The following HHIPL1 variants were observed in gnomAD, a reference collection of about 807,000 sequenced individuals.
HHIPL1 encodes HHIP-like protein 1.
A neutral mutation model predicts 61.8 loss-of-function variants in HHIPL1; 43 were observed. The ratio of observed to expected loss-of-function variants is 0.70; its 90% CI spans 0.55 to 0.90. HHIPL1 has a LOEUF of 0.90. HHIPL1 is among the 40% of genes least tolerant of loss of function. HHIPL1 has a pLI of 0.00. For missense variants in HHIPL1, 1,056 were observed against 1,157.7 expected, an observed-to-expected ratio of 0.91 and a Z score of 1.28; for synonymous variants, 482 against 515.8, an observed-to-expected ratio of 0.93 and a Z score of 0.89.
At chr14:99,630,205 G>A in the HHIPL1 span, among the ~76,000 whole-genome samples, 1 of 152,206 alleles carries the variant, frequency 6.6e-6, no homozygotes, top group African/African-American at 2.4e-5. Context: ...TCTCAGCATT[G>A]GGCAGGGCAC....
At chr14:99,650,859 AG>A (rs1210097278) in intron 1 of HHIPL1, among the ~76,000 whole-genome samples, 1 of 152,262 alleles carries the variant, frequency 6.6e-6, no homozygotes, top group African/African-American at 2.4e-5. Context: ...AGAGAAGAGC[AG>A]GGAAAGGGCA....
At chr14:99,659,400 G>C (rs578008994) in intron 3 of HHIPL1, 28 bp from the exon 4 acceptor site, 3 of 1,399,732 alleles carry the variant, frequency 2.1e-6, no homozygotes, top group Non-Finnish European at 2.8e-6. Context: ...GCGACCCCGA[G>C]CCGCGCCCTC....
chr14:99,674,999 C>T, intron 8 of HHIPL1, 92 bp from the exon 9 acceptor site: 1 of 664,308 alleles, frequency 1.5e-6, no homozygotes, highest in Non-Finnish European at 1.9e-6. Context: ...AGTCTGCGCT[C>T]TCCGCACAGG....
chr14:99,674,279 G>A (rs1024861788), intron 8 of HHIPL1, among the ~76,000 whole-genome samples: 1 of 152,048 alleles, frequency 6.6e-6, no homozygotes. Context: ...CACTGCACCT[G>A]TGTGGAGTAG....
chr14:99,660,142 TGGGCACGCCAGCCCTGCTGTG>T lies in HHIPL1; in HGVS notation c.1376-135_1376-115del. On this transcript the variant is annotated intron_variant, in intron 4 of 8. Transcript: ENST00000330710. This position sits in a 1 kb window ranked among gnomAD's most constrained non-coding sequence, Gnocchi z 4.9. ...GCTTTCCACCACGCCAGCCCTGCTG[TGGGCACGCCAGCCCTGCTGTG>T]GGCACGCCCCTCCCTCCGTGGCCGC... 3 of 700,668 alleles carry T rather than the reference TGGGCACGCCAGCCCTGCTGTG, an allele frequency of 4.3e-6. No individual in the cohort carries two copies. Among genetic ancestry groups the T allele is most frequent in the Non-Finnish European group, 4.1e-6 (2 of 487,084 alleles). 43.4% of individuals were successfully genotyped at this position (700,668 alleles called of 1,614,324 possible).
intron 7 of HHIPL1, chr14:99,669,141 C>T (rs2140091636): frequency 7.3e-6 from 10 of 1,374,426 alleles, no homozygotes; most frequent in Non-Finnish European, 9.4e-6. Context: ...ACACGACTGA[C>T]TCTCTCCCAG....
the HHIPL1 span, among the ~76,000 whole-genome samples, chr14:99,630,709 T>G: frequency 6.6e-6 from 1 of 152,026 alleles, no homozygotes; most frequent in Non-Finnish European, 1.5e-5. Flanking sequence ...CAGACTCTGT[T>G]AGTTTGCTAG....
At chr14:99,638,501 T>C in the HHIPL1 span, among the ~76,000 whole-genome samples, 1 of 152,232 alleles carries the variant, frequency 6.6e-6, no homozygotes, top group African/African-American at 2.4e-5. Flanking sequence ...CACTGGCCTA[T>C]GTGCCCTGAT....
chr14:99,660,355 G>A lies in HHIPL1; in HGVS notation c.1451G>A (p.Cys484Tyr), dbSNP rs1392843227. The part of the protein sequence containing the change: ...SVTGGYVYRG[C>Y]EYPNLNGLYI... ...ACAGGGGGCTACGTGTACCGGGGCT[G>A]CGAGTACCCCAACCTGAACGGCCTC... The change falls in exon 5 of 9, where the codon TGC becomes TAC. Residue 484 changes from cysteine to tyrosine, a missense_variant. Transcript: ENST00000330710. This position sits in a 1 kb window ranked among gnomAD's most constrained non-coding sequence, Gnocchi z 4.9. 6.2e-7 allele frequency: 1 copy of A among 1,614,152 alleles called. No individual in the cohort carries two copies. Among genetic ancestry groups the A allele is most frequent in the Admixed American group, 1.7e-5 (1 of 60,024 alleles).
the HHIPL1 span, chr14:99,604,545 G>C: frequency 1.3e-5 from 2 of 152,130 alleles, no homozygotes; most frequent in Non-Finnish European, 2.9e-5. Flanking sequence ...GCTCCCGGCG[G>C]TTCAAGTTTC....
Position 99,675,322 on chromosome 14 carries a change from G to A in HHIPL1, c.2045G>A (p.Ser682Asn). The change falls in exon 9 of 9, where the codon AGC (serine) becomes AAC (asparagine). Residue 682 changes from serine to asparagine, a missense_variant. Ser to Asn is a conservative substitution (Grantham distance 46). Transcript: ENST00000330710. The surrounding 1 kb of genome is among the most constrained non-coding windows in gnomAD (Gnocchi z 5.4). ...CGCCTGGTGCGGCCCGCGGGCCTGA[G>A]CTCTGGCAGCGGGCGCGTGGAGGTG... Reference protein sequence around the residue: ...EVRLVRPAGLSSGSGRVEVFV... With the variant: ...EVRLVRPAGLNSGSGRVEVFV... 2 of 1,415,276 alleles carry A rather than the reference G, an allele frequency of 1.4e-6. No homozygotes were observed. Among genetic ancestry groups the A allele is most frequent in the African/African-American group, 1.5e-5 (1 of 67,230 alleles). The allele number at this position is 1,415,276 out of a possible 1,614,324, so 87.7% of individuals were successfully genotyped here.
At chr14:99,672,217 T>TA (rs2056332838) in intron 7 of HHIPL1, 100 bp from the exon 8 acceptor site, 9 of 855,146 alleles carry the variant, frequency 1.1e-5, no homozygotes, top group African/African-American at 3.3e-5. Context: ...GGCCGCCTGT[T>TA]ACTATCGTTG....
chr14:99,646,478 A>G (rs1374382724), intron 1 of HHIPL1, among the ~76,000 whole-genome samples: 2 of 152,216 alleles, frequency 1.3e-5, no homozygotes, highest in Non-Finnish European at 2.9e-5. Flanking sequence ...GCACCTCACA[A>G]TATCTTTAAA....
At chr14:99,646,265 C>G (rs182092598) in intron 1 of HHIPL1, among the ~76,000 whole-genome samples, 1 of 152,248 alleles carries the variant, frequency 6.6e-6, no homozygotes, top group African/African-American at 2.4e-5. Flanking sequence ...TGGAGCAGGA[C>G]GGGCAGCCCC....
intron 2 of HHIPL1, among the ~76,000 whole-genome samples, 174 bp from the exon 3 acceptor site, chr14:99,656,823 GAAA>G (rs1566809787): frequency 6.0e-3 from 26 of 4,328 alleles, no homozygotes; most frequent in South Asian, 0.018. Context: ...AAGAAAGAAA[GAAA>G]GAAAGAAAGA....
rs1185864205 is a variant in HHIPL1 at position 99,675,495 on chromosome 14, C to T, written c.2218C>T (p.Leu740=). Residue 740 remains leucine, a synonymous_variant, in exon 9 of 9, where the codon CTG becomes TTG. Transcript: ENST00000330710. This position sits in a 1 kb window ranked among gnomAD's most constrained non-coding sequence, Gnocchi z 5.4. The part of the protein sequence containing the change: ...FGQGGSLPIL[L]DDVRCAGWER... ...CCAGGGCGGCTCGCTGCCCATTCTG[C>T]TGGACGATGTGCGCTGCGCGGGCTG... 2 of 1,543,054 alleles carry T rather than the reference C, an allele frequency of 1.3e-6. No individual in the cohort carries two copies. Among genetic ancestry groups the T allele is most frequent in the South Asian group, 2.4e-5 (2 of 84,008 alleles).
chr14:99,619,196 A>C, the HHIPL1 span, among the ~76,000 whole-genome samples: 4 of 152,164 alleles, frequency 2.6e-5, no homozygotes, highest in Non-Finnish European at 5.9e-5. Flanking sequence ...TCACACCTGT[A>C]ATCCCAGCTT....
intron 1 of HHIPL1, among the ~76,000 whole-genome samples, chr14:99,650,507 G>T (rs960842548): frequency 3.9e-5 from 6 of 152,232 alleles, no homozygotes; most frequent in African/African-American, 1.4e-4. Context: ...TAGGGTGCAG[G>T]GAGGGTGCTG....
chr14:99,646,093 G>T (rs754908830), intron 1 of HHIPL1, among the ~76,000 whole-genome samples: 1 of 152,258 alleles, frequency 6.6e-6, no homozygotes, highest in Non-Finnish European at 1.5e-5. Context: ...ACAGCTCTTT[G>T]TTGAAGCCCC....
Sources: gnomAD v4.1 joint callset for allele counts (sites outside exome capture counted in the v4.1 genomes callset) on GRCh38, gnomAD v4.1.1 for gene constraint, Gnocchi (gnomAD v3.1) non-coding constraint, MANE v1.5 for transcripts, NCBI Gene and HGNC (gene_info 2026-07-23, HGNC 2026-07-21) for gene names.